The following ITSN2 variants were observed in gnomAD, a reference collection of about 807,000 sequenced individuals.
The protein encoded by ITSN2 is intersectin-2.
Under a neutral mutation model 243.7 loss-of-function variants are expected in ITSN2, and 156 were observed. The observed-to-expected ratio is 0.64, with a 90% CI of 0.56 to 0.73. The LOEUF is 0.73. ITSN2 is among the 30% of genes least tolerant of loss of function. ITSN2 has a pLI of 0.00. For missense variants in ITSN2, 1,801 were observed against 1,996.1 expected, an observed-to-expected ratio of 0.90 and a Z score of 1.86; for synonymous variants, 703 against 699.9, an observed-to-expected ratio of 1.00 and a Z score of -0.07.
At chr2:24,210,996 G>T (rs748885682) in intron 33 of ITSN2, 49 bp from the exon 34 acceptor site, 2 of 1,585,946 alleles carry the variant, frequency 1.3e-6, no homozygotes, top group Non-Finnish European at 1.7e-6. Flanking sequence ...TCTCTCACCT[G>T]CCCACCTGGA....
chr2:24,248,585 T>C, intron 27 of ITSN2, 44 bp downstream of exon 27: 7 of 1,505,990 alleles, frequency 4.6e-6, no homozygotes, highest in Non-Finnish European at 6.3e-6. Context: ...GAGCATGCAG[T>C]ACTTTTATAA....
chr2:24,308,581 C>G (rs1682845903), intron 8 of ITSN2, 36 bp downstream of exon 8: 1 of 1,301,068 alleles, frequency 7.7e-7, no homozygotes, highest in Non-Finnish European at 1.0e-6. Context: ...CATAAAAGAC[C>G]CTTTTTCATG....
intron 25 of ITSN2, among the ~76,000 whole-genome samples, chr2:24,252,019 C>G (rs190255276): frequency 6.6e-6 from 1 of 152,268 alleles, no homozygotes; most frequent in East Asian, 1.9e-4. Context: ...CGAACTACTT[C>G]AAGGTGGTCC....
intron 1 of ITSN2, among the ~76,000 whole-genome samples, chr2:24,346,860 C>CTT (rs10534968): frequency 2.3e-5 from 2 of 86,306 alleles, no homozygotes; most frequent in African/African-American, 9.2e-5. Flanking sequence ...GGAAATTTAT[C>CTT]TTTTTTTTTT....
intron 23 of ITSN2, among the ~76,000 whole-genome samples, chr2:24,257,097 G>A (rs1558501460): frequency 6.6e-6 from 1 of 152,228 alleles, no homozygotes; most frequent in African/African-American, 2.4e-5. Flanking sequence ...CAGGAAGATC[G>A]CTTGAGCCCA....
At chr2:24,314,993 T>G (rs1683733772) in intron 3 of ITSN2, 139 bp downstream of exon 3, 1 of 443,594 alleles carries the variant, frequency 2.3e-6, no homozygotes, top group South Asian at 6.2e-5. Context: ...AAGTTAGCAT[T>G]TCTTTAATTT....
chr2:24,330,627 A>G, intron 1 of ITSN2: 1 of 759,074 alleles, frequency 1.3e-6, no homozygotes, highest in Non-Finnish European at 2.4e-6. Context: ...TGGAGATGCT[A>G]AAACAGACGG....
intron 13 of ITSN2, among the ~76,000 whole-genome samples, chr2:24,298,056 C>T (rs1371190136): frequency 2.0e-5 from 3 of 151,374 alleles, no homozygotes; most frequent in East Asian, 1.9e-4. Flanking sequence ...GCGATCTTGG[C>T]TCACTGCAAC....
intron 18 of ITSN2, among the ~76,000 whole-genome samples, chr2:24,274,229 C>G (rs895027700): frequency 1.3e-5 from 2 of 152,136 alleles, no homozygotes; most frequent in Admixed American, 1.3e-4. Context: ...ACTTTACTTT[C>G]TCTACTTCTA....
intron 1 of ITSN2, among the ~76,000 whole-genome samples, chr2:24,341,579 T>C (rs1349495801): frequency 6.6e-6 from 1 of 152,132 alleles, no homozygotes; most frequent in Non-Finnish European, 1.5e-5. Context: ...GCAATAAATG[T>C]TTAAAATAAG....
intron 17 of ITSN2, 146 bp from the exon 18 acceptor site, chr2:24,275,995 G>T: frequency 1.8e-6 from 1 of 547,742 alleles, no homozygotes; most frequent in Non-Finnish European, 3.0e-6. Flanking sequence ...AAAATATCTA[G>T]ATGATAAAAA....
chr2:24,287,582 A>G (rs1679674710), intron 15 of ITSN2, among the ~76,000 whole-genome samples: 1 of 152,104 alleles, frequency 6.6e-6, no homozygotes, highest in Non-Finnish European at 1.5e-5. Flanking sequence ...GGATCATACA[A>G]GAGTTCTATC....
At chr2:24,205,155 A>C in intron 38 of ITSN2, 59 bp downstream of exon 38, 1 of 1,443,312 alleles carries the variant, frequency 6.9e-7, no homozygotes. Context: ...TCAAAAAGTC[A>C]TCAGCAAAAA....
intron 37 of ITSN2, chr2:24,205,647 GTC>G (rs2151074766): frequency 3.8e-6 from 1 of 266,076 alleles, no homozygotes; most frequent in East Asian, 7.7e-5. Flanking sequence ...CGTGTGTAAT[GTC>G]TGTCTCCTCT....
At chr2:24,295,850 G>A in intron 13 of ITSN2, 46 bp from the exon 14 acceptor site, 2 of 1,310,552 alleles carry the variant, frequency 1.5e-6, no homozygotes, top group Non-Finnish European at 2.1e-6. Flanking sequence ...AATGCTAATA[G>A]AAAATGTTTC....
At chr2:24,233,629 A>G (rs1423909425) in intron 29 of ITSN2, among the ~76,000 whole-genome samples, 3 of 152,192 alleles carry the variant, frequency 2.0e-5, no homozygotes, top group African/African-American at 4.8e-5. Flanking sequence ...AGATTAGTTC[A>G]TGACTTGGTA....
At chr2:24,208,160 A>G in intron 37 of ITSN2, 77 bp downstream of exon 37, 1 of 1,216,960 alleles carries the variant, frequency 8.2e-7, no homozygotes. Flanking sequence ...CTATATCATC[A>G]GCCTGACTGC....
chr2:24,219,732 G>C (rs944650801), intron 30 of ITSN2, among the ~76,000 whole-genome samples: 5 of 152,294 alleles, frequency 3.3e-5, no homozygotes, highest in African/African-American at 1.2e-4. Flanking sequence ...GCTCACCTCT[G>C]TCCTAGTGTT....
At chr2:24,239,464 C>T (rs1389420946) in intron 29 of ITSN2, 1 of 151,938 alleles carries the variant, frequency 6.6e-6, no homozygotes, top group African/African-American at 2.4e-5. Context: ...GATTTACATT[C>T]TCAAATTTTC....
Sources: gnomAD v4.1 joint callset for allele counts (sites outside exome capture counted in the v4.1 genomes callset) on GRCh38, gnomAD v4.1.1 for gene constraint, MANE v1.5 for transcripts, NCBI Gene and HGNC (gene_info 2026-07-23, HGNC 2026-07-21) for gene names.